Variants in DMRT1 observed in about 807,000 individuals in gnomAD.
DMRT1 encodes doublesex and mab-3 related transcription factor 1, also known as doublesex- and mab-3-related transcription factor 1.
In DMRT1, 7 loss-of-function variants were observed where a neutral mutation model predicts 32.3. That is an observed-to-expected ratio of 0.22 (90% CI 0.12 to 0.41). The LOEUF (loss-of-function observed/expected upper bound fraction) is 0.41, where lower values mean the gene tolerates loss of function less well. Among genes scored for constraint, DMRT1 ranks in the 10% least tolerant of loss-of-function variants. The pLI, the probability that DMRT1 is intolerant of heterozygous loss-of-function variation, is 1.00. For synonymous variants in DMRT1, 278 were observed against 206.1 expected (o/e 1.35, Z -2.99); for missense variants, 625 against 500.5 (o/e 1.25, Z -2.37).
chr9:886,601 A>G (rs936950392), intron 2 of DMRT1, among the ~76,000 whole-genome samples: 18 of 151,618 alleles, frequency 1.2e-4, no homozygotes, highest in Admixed American at 5.3e-4. Flanking sequence ...TGTGGCTCAG[A>G]GTGGGAATGG....
intron 3 of DMRT1, among the ~76,000 whole-genome samples, chr9:908,693 CT>C (rs74678130): frequency 6.1e-4 from 93 of 152,142 alleles, no homozygotes; most frequent in East Asian, 5.0e-3. Flanking sequence ...TCCACCCACA[CT>C]TTTTCTTTTG....
chr9:872,343 G>A (rs1589480685), intron 2 of DMRT1, among the ~76,000 whole-genome samples: 1 of 152,254 alleles, frequency 6.6e-6, no homozygotes, highest in Non-Finnish European at 1.5e-5. Context: ...TTACAGGCGT[G>A]AGCCAGTGCG....
Position 860,629 on chromosome 9 carries a change from G to C in DMRT1, c.538+13486G>C, listed in dbSNP as rs1019087342. Reference sequence around the variant, plus strand: ...GCCAGGGAAGACAGTTGATAAACAAGTACATCAATAAATAAGATATTTGCA... The same window carrying C: ...GCCAGGGAAGACAGTTGATAAACAACTACATCAATAAATAAGATATTTGCA... On this transcript the variant is annotated intron_variant, in intron 2 of 4. Coordinates refer to ENST00000382276, the MANE Select transcript of DMRT1 (RefSeq NM_021951.3). Among the ~76,000 whole-genome samples, 42 of 152,168 alleles carry C rather than the reference G, an allele frequency of 2.8e-4. 1 individual carries two copies. Among genetic ancestry groups the C allele is most frequent in the Non-Finnish European group, 8.8e-5 (6 of 68,036 alleles).
At chr9:859,236 C>G (rs1020086451) in intron 2 of DMRT1, among the ~76,000 whole-genome samples, 1 of 152,154 alleles carries the variant, frequency 6.6e-6, no homozygotes, top group African/African-American at 2.4e-5. Context: ...TTAAGTGCTG[C>G]TCTAACCTGT....
intron 4 of DMRT1, among the ~76,000 whole-genome samples, chr9:952,881 T>C (rs1819473432): frequency 1.3e-5 from 2 of 152,206 alleles, no homozygotes; most frequent in South Asian, 2.1e-4. Context: ...GTTGGCGTGT[T>C]GGTTAGGCAG....
At position 895,431 on chromosome 9, in the gene DMRT1, A is replaced by G. The variant is rs80162294; in HGVS notation, c.822+1236A>G. On this transcript the variant is annotated intron_variant, in intron 3 of 4. Transcript: ENST00000382276. ...TGTTCTCATTCTGGATGCATTTGCC[A>G]TGCTCAGGCTTCCTCAGTGGGGATT... Among the ~76,000 whole-genome samples the G allele has an allele frequency of 7.5e-3, 1,147 of 152,324 alleles. 10 individuals are homozygous for G. The highest frequency in any genetic ancestry group is 0.026 in the African/African-American group (1,092 of 41,564).
At chr9:952,856 A>G (rs1036632955) in intron 4 of DMRT1, among the ~76,000 whole-genome samples, 2 of 152,204 alleles carry the variant, frequency 1.3e-5, no homozygotes, top group Non-Finnish European at 2.9e-5. Flanking sequence ...GAAATTAATT[A>G]TATTGTGACC....
chr9:867,987 TG>T (rs1301492647), intron 2 of DMRT1, among the ~76,000 whole-genome samples: 1 of 152,212 alleles, frequency 6.6e-6, no homozygotes, highest in Non-Finnish European at 1.5e-5. Flanking sequence ...CAACAATTGT[TG>T]TTTTTTATTT....
chr9:897,761 G>A (rs1440059342), intron 3 of DMRT1, among the ~76,000 whole-genome samples: 1 of 149,128 alleles, frequency 6.7e-6, no homozygotes, highest in Non-Finnish European at 1.5e-5. Context: ...GTTCTTGACT[G>A]TTTGTTCATA....
intron 2 of DMRT1, among the ~76,000 whole-genome samples, chr9:849,054 A>G (rs1354649085): frequency 6.6e-6 from 1 of 151,188 alleles, no homozygotes; most frequent in African/African-American, 2.4e-5. Context: ...CAGGTTTTCC[A>G]TAGGGGAGTA....
In DMRT1 at chr9:913,844, G is replaced by C. The variant is rs141283445; in HGVS notation, c.823-2919G>C. The stretch of plus-strand genomic sequence containing the variant: ...GGAAGCAGAGGTTGCAGTGAGCCGA[G>C]ATTGTGCCATTGCACTCCAGCCTGG... On this transcript the variant is annotated intron_variant, in intron 3 of 4. Transcript: ENST00000382276. Among the ~76,000 whole-genome samples the C allele has an allele frequency of 8.9e-3, 1,360 of 152,312 alleles. 13 individuals carry two copies. Among genetic ancestry groups the C allele is most frequent in the African/African-American group, 0.031 (1,305 of 41,568 alleles).
In DMRT1 at chr9:842,358, C is replaced by G. The variant is rs368022469; in HGVS notation, c.354+166C>G. 1.6e-3 allele frequency: 1,408 copies of G among 895,640 alleles called. 13 individuals carry two copies. In the African/African-American group the frequency reaches 0.017, roughly 11 times the overall value. 55.5% of individuals were successfully genotyped at this position (895,640 alleles called of 1,614,324 possible). A position where few individuals can be genotyped will look rare whatever the true frequency, so the allele number is the denominator to read the frequency against. ...CAAGCAATTCTCCTGCCTCAGCCTC[C>G]CAAGTAGCTGGGACTACAGGCGCAC... On this transcript the variant is annotated intron_variant, in intron 1 of 4. Coordinates refer to ENST00000382276, the MANE Select transcript of DMRT1 (RefSeq NM_021951.3).
At chr9:901,085 G>T (rs745527861) in intron 3 of DMRT1, among the ~76,000 whole-genome samples, 10 of 151,966 alleles carry the variant, frequency 6.6e-5, no homozygotes, top group African/African-American at 1.2e-4. Context: ...CATGATCTCA[G>T]TTCACTGTAG....
intron 3 of DMRT1, among the ~76,000 whole-genome samples, chr9:906,527 T>C (rs1015937309): frequency 2.0e-5 from 3 of 152,212 alleles, no homozygotes; most frequent in African/African-American, 7.2e-5. Context: ...TGGTGACATA[T>C]TGTTTCTGGG....
chr9:959,052 G>C (rs2129988576), intron 4 of DMRT1, among the ~76,000 whole-genome samples: 1 of 152,322 alleles, frequency 6.6e-6, no homozygotes, highest in Admixed American at 6.5e-5. Flanking sequence ...AGCCAACCTA[G>C]TTTGTAGAGT....
chr9:850,376 G>A (rs1277840770), intron 2 of DMRT1, among the ~76,000 whole-genome samples: 1 of 152,190 alleles, frequency 6.6e-6, no homozygotes, highest in East Asian at 1.9e-4. Context: ...CTTGTATGCA[G>A]CAAAGGGAGC....
intron 2 of DMRT1, among the ~76,000 whole-genome samples, chr9:859,635 T>C (rs1815566233): frequency 1.3e-5 from 2 of 152,248 alleles, no homozygotes; most frequent in Non-Finnish European, 2.9e-5. Flanking sequence ...TGATTACTGT[T>C]GTTGAACCAA....
At chr9:889,658 G>A (rs925632023) in intron 2 of DMRT1, among the ~76,000 whole-genome samples, 4 of 152,192 alleles carry the variant, frequency 2.6e-5, no homozygotes, top group African/African-American at 9.7e-5. Flanking sequence ...ACTGAGGCCT[G>A]ATAAAAGGTT....
At chr9:900,584 G>A (rs995489375) in intron 3 of DMRT1, among the ~76,000 whole-genome samples, 4 of 151,724 alleles carry the variant, frequency 2.6e-5, no homozygotes, top group African/African-American at 4.8e-5. Context: ...GCTCTCAGGA[G>A]ACAGTTATGA....
Sources: gnomAD v4.1 joint callset for allele counts (sites outside exome capture counted in the v4.1 genomes callset) on GRCh38, gnomAD v4.1.1 for gene constraint, MANE v1.5 for transcripts, NCBI Gene and HGNC (gene_info 2026-07-23, HGNC 2026-07-21) for gene names.